Variants in CRYBG3 observed in about 807,000 individuals in gnomAD.
The protein encoded by CRYBG3 is crystallin beta-gamma domain containing 3.
CRYBG3 carries 127 observed loss-of-function variants against 244.2 expected under a neutral mutation model. The observed-to-expected ratio is 0.52, with a 90% CI of 0.45 to 0.60. CRYBG3 has a LOEUF of 0.60. Among genes scored for constraint, CRYBG3 ranks in the 20% least tolerant of loss-of-function variants. The probability of loss-of-function intolerance (pLI) is 0.00; values close to 1 mark genes in which losing one functional copy is unlikely to be tolerated. For missense variants in CRYBG3, 3,325 were observed against 3,442.5 expected (o/e 0.97, Z 0.85); for synonymous variants, 1,132 against 1,195.8 (o/e 0.95, Z 1.10).
In CRYBG3 at chr3:97,873,711, C is replaced by T; in HGVS notation, c.2517C>T (p.Ser839=). The T allele has an allele frequency of 6.5e-7, 1 of 1,535,862 alleles. No homozygotes were observed. Among genetic ancestry groups the T allele is most frequent in the South Asian group, 1.2e-5 (1 of 84,032 alleles). The change falls in exon 4 of 22, where the codon TCC becomes TCT. Residue 839 remains serine, a synonymous_variant. Transcript: ENST00000389622. The part of the protein sequence containing the change: ...HSGRGKTISL[S]KVSLSKVEPR... Reference sequence around the variant, plus strand: ...GAAGAGGAAAAACTATATCCTTGTCCAAGGTATCTCTTTCAAAAGTGGAGC... The same window carrying T: ...GAAGAGGAAAAACTATATCCTTGTCTAAGGTATCTCTTTCAAAAGTGGAGC...
intron 19 of CRYBG3, among the ~76,000 whole-genome samples, chr3:97,940,622 G>A (rs2040217511): frequency 6.6e-6 from 1 of 151,910 alleles, no homozygotes; most frequent in African/African-American, 2.4e-5. Context: ...AACATACATG[G>A]TCTCTACTTT....
rs370074502 is a variant in CRYBG3, at chr3:97,857,859, T to A, written c.217-6358T>A. ...ATAAGGACTTACTCTTGTCATTTTT[T>A]AAATTATTTTCTGATCATTTCGTAT... On this transcript the variant is annotated intron_variant, in intron 2 of 21. Transcript: ENST00000389622. Among the ~76,000 whole-genome samples the A allele has an allele frequency of 3.8e-4, 58 of 152,224 alleles. No homozygotes were observed. The South Asian group carries it at 4.1e-3, about 11-fold the overall frequency.
At chr3:97,849,523 T>A (rs2038954019) in intron 2 of CRYBG3, among the ~76,000 whole-genome samples, 1 of 152,212 alleles carries the variant, frequency 6.6e-6, no homozygotes, top group South Asian at 2.1e-4. Flanking sequence ...CCAAATGGAC[T>A]GTCAGGGCTT....
intron 1 of CRYBG3, among the ~76,000 whole-genome samples, chr3:97,841,142 G>A (rs2038806738): frequency 6.6e-6 from 1 of 151,282 alleles, no homozygotes; most frequent in South Asian, 2.1e-4. Context: ...TTTTGTTCCT[G>A]AATTGTCCCA....
At chr3:97,925,541 T>C (rs933446303) in intron 17 of CRYBG3, among the ~76,000 whole-genome samples, 10 of 152,044 alleles carry the variant, frequency 6.6e-5, no homozygotes, top group Admixed American at 5.2e-4. Context: ...GTATGAAGAG[T>C]CAAATTTCAA....
Position 97,843,341 on chromosome 3 carries a change from A to AT in CRYBG3, c.216+84dup. The AT allele has an allele frequency of 3.8e-6, 3 of 784,918 alleles. No homozygotes were observed. In the South Asian group the frequency reaches 5.3e-5, roughly 14 times the overall value. 48.6% of individuals were successfully genotyped at this position (784,918 alleles called of 1,614,324 possible). On this transcript the variant is annotated intron_variant, in intron 2 of 21. Transcript: ENST00000389622. ...TAATTCTTTTAGATTCTGTCATCTTATTTTACATTTCAAAAAGAACACTGT... is the reference window on the plus strand; with the variant it reads ...TAATTCTTTTAGATTCTGTCATCTTATTTTTACATTTCAAAAAGAACACTGT...
rs1576537727 is a variant in CRYBG3 at position 97,875,036 on chromosome 3, CA to C, written c.3844del (p.Thr1282GlnfsTer14). ...GTCAAAGAGAAGCCCTGTGTTTCAC[CA>C]ACAGTTGGTGAGAAGAATCTTCTTG... Reference protein sequence around the residue: ...SEVKEKPCVSPTVGEKNLLVD... With the variant: ...SEVKEKPCVSXTVGEKNLLVD... On this transcript the variant is annotated frameshift_variant, in exon 4 of 22. Coordinates refer to ENST00000389622, the MANE Select transcript of CRYBG3 (RefSeq NM_153605.4). LOFTEE classifies it high-confidence loss of function. 6.5e-7 allele frequency: 1 copy of C among 1,534,986 alleles called. No homozygotes were observed.
chr3:97,855,703 G>C (rs1167578501), intron 2 of CRYBG3, among the ~76,000 whole-genome samples: 2 of 152,110 alleles, frequency 1.3e-5, no homozygotes, highest in African/African-American at 4.8e-5. Flanking sequence ...TGGGCGTCCG[G>C]GGAAGACATC....
chr3:97,834,484 A>G (rs1240476516), intron 1 of CRYBG3, among the ~76,000 whole-genome samples: 1 of 152,158 alleles, frequency 6.6e-6, no homozygotes, highest in Non-Finnish European at 1.5e-5. Context: ...GCAGATCATA[A>G]ATTTCTTGTA....
In CRYBG3 at chr3:97,877,146, T is replaced by C; in HGVS notation, c.5952T>C (p.Tyr1984=). ...RRETDYSDKG[Y]NLAFVSQDEQ... is the part of the protein sequence containing the mutation. ...AGACAGATTATAGTGACAAAGGATATAATTTAGCTTTTGTTTCTCAAGATG... is the reference window on the plus strand; with the variant it reads ...AGACAGATTATAGTGACAAAGGATACAATTTAGCTTTTGTTTCTCAAGATG... The change falls in exon 4 of 22, where the codon TAT becomes TAC. Residue 1984 remains tyrosine, a synonymous_variant. Transcript: ENST00000389622. The C allele has an allele frequency of 1.2e-6, 2 of 1,613,930 alleles. No individual in the cohort carries two copies. The highest frequency in any genetic ancestry group is 1.3e-5 in the African/African-American group (1 of 75,044).
chr3:97,941,465 T>C (rs1277527915), intron 20 of CRYBG3, among the ~76,000 whole-genome samples, 159 bp downstream of exon 20: 1 of 151,936 alleles, frequency 6.6e-6, no homozygotes, highest in Non-Finnish European at 1.5e-5. Context: ...AACATTTATA[T>C]AAAATTAACT....
intron 11 of CRYBG3, among the ~76,000 whole-genome samples, chr3:97,893,708 T>G (rs2039607414): frequency 6.6e-6 from 1 of 152,260 alleles, no homozygotes; most frequent in Admixed American, 6.5e-5. Context: ...GTTGATACAT[T>G]GGTTATTTTG....
intron 17 of CRYBG3, among the ~76,000 whole-genome samples, chr3:97,928,413 G>GGGT (rs2040063009): frequency 6.6e-6 from 1 of 151,986 alleles, no homozygotes; most frequent in Non-Finnish European, 1.5e-5. Context: ...TGAGCAGAGA[G>GGGT]GGTGGGAGGA....
rs766279074 is a variant in CRYBG3, at chr3:97,892,993, TGTGA to T, written c.7574+3_7574+6del. 18 of 1,591,870 alleles carry T rather than the reference TGTGA, an allele frequency of 1.1e-5. No homozygotes were observed. Among genetic ancestry groups the T allele is most frequent in the African/African-American group, 5.5e-5 (4 of 73,286 alleles). The stretch of plus-strand genomic sequence containing the variant: ...GGATCAATTCGTGTCATTGGTGGAG[TGTGA>T]GTATCATATTTTTAACATTTGCACA... On this transcript the variant is annotated splice_donor_variant and splice_donor_region_variant and intron_variant, in intron 11 of 21. Transcript: ENST00000389622. LOFTEE classifies it high-confidence loss of function.
chr3:97,864,869 A>C (rs957283114), intron 3 of CRYBG3, among the ~76,000 whole-genome samples: 3 of 152,034 alleles, frequency 2.0e-5, no homozygotes, highest in African/African-American at 7.2e-5. Flanking sequence ...GTCTTAGTAA[A>C]AGATTCTTTT....
intron 1 of CRYBG3, among the ~76,000 whole-genome samples, chr3:97,836,565 C>G (rs1467931133): frequency 1.3e-5 from 2 of 152,244 alleles, no homozygotes; most frequent in East Asian, 3.9e-4. Flanking sequence ...CATAATGTAT[C>G]TGCAGTATAG....
chr3:97,830,205 G>A (rs3856571), intron 1 of CRYBG3, among the ~76,000 whole-genome samples: 1 of 152,026 alleles, frequency 6.6e-6, no homozygotes, highest in Non-Finnish European at 1.5e-5. Flanking sequence ...TGTTTTTCAT[G>A]GAGTAAATTA....
At chr3:97,927,807 G>C (rs2040055537) in intron 17 of CRYBG3, among the ~76,000 whole-genome samples, 1 of 152,028 alleles carries the variant, frequency 6.6e-6, no homozygotes, top group Non-Finnish European at 1.5e-5. Flanking sequence ...ATGAAAAAAT[G>C]CTCAACATCC....
intron 15 of CRYBG3, among the ~76,000 whole-genome samples, chr3:97,910,235 A>G (rs1026100010): frequency 6.6e-6 from 1 of 152,064 alleles, no homozygotes; most frequent in Non-Finnish European, 1.5e-5. Context: ...GGTGGAGCCT[A>G]CAGAGGCAGG....
Sources: allele counts gnomAD v4.1 joint callset (sites outside exome capture counted in the v4.1 genomes callset), GRCh38; gene constraint gnomAD v4.1.1; transcripts MANE v1.5; gene names NCBI Gene and HGNC (gene_info 2026-07-23, HGNC 2026-07-21).